The following DPY19L4 variants were observed in gnomAD, a reference collection of about 807,000 sequenced individuals.
DPY19L4 encodes dpy-19 like 4.
Under a neutral mutation model 102.8 loss-of-function variants are expected in DPY19L4, and 97 were observed. The ratio of observed to expected loss-of-function variants is 0.94; its 90% CI spans 0.80 to 1.12. The LOEUF is 1.12. Among genes scored for constraint, DPY19L4 ranks in the 50% most tolerant of loss-of-function variants. The probability of loss-of-function intolerance (pLI) is 0.00; values close to 1 mark genes in which losing one functional copy is unlikely to be tolerated. For synonymous variants in DPY19L4, 252 were observed against 283.1 expected, an observed-to-expected ratio of 0.89 and a Z score of 1.10; for missense variants, 815 against 850.4, an observed-to-expected ratio of 0.96 and a Z score of 0.52.
intron 18 of DPY19L4, among the ~76,000 whole-genome samples, 192 bp downstream of exon 18, chr8:94,788,244 G>C (rs1249738602): frequency 6.6e-6 from 1 of 151,426 alleles, no homozygotes; most frequent in Non-Finnish European, 1.5e-5. Flanking sequence ...AGAAAATCTG[G>C]GCATTTTTGC....
rs1812764546 is a variant in DPY19L4 at position 94,768,276 on chromosome 8, T to C, written c.1176-119T>C. 4.1e-6 allele frequency: 3 copies of C among 732,624 alleles called. 1 individual carries two copies. In the Admixed American group the frequency reaches 9.6e-5, roughly 23 times the overall value. The allele number at this position is 732,624 out of a possible 1,614,324, so 45.4% of individuals were successfully genotyped here. A position where few individuals can be genotyped will look rare whatever the true frequency, so the allele number is the denominator to read the frequency against. On this transcript the variant is annotated intron_variant, in intron 11 of 18. Transcript: ENST00000414645. ...TATAAAGGATAGTACCTTGCTAATA[T>C]AAGTAAACGGGTTTAGGAAATGTGT...
intron 3 of DPY19L4, among the ~76,000 whole-genome samples, chr8:94,735,505 G>A (rs1404252405): frequency 6.6e-6 from 1 of 152,178 alleles, no homozygotes; most frequent in Non-Finnish European, 1.5e-5. Context: ...ATTAACTGCA[G>A]TTCTCAACAA....
At chr8:94,744,685 A>G (rs1221831279) in intron 6 of DPY19L4, 3 of 407,778 alleles carry the variant, frequency 7.4e-6, no homozygotes, top group Non-Finnish European at 1.5e-5. Context: ...TTTAAAGAAT[A>G]AGACTCTCTT....
At chr8:94,753,021 A>AC (rs1418664117) in intron 6 of DPY19L4, among the ~76,000 whole-genome samples, 1 of 151,942 alleles carries the variant, frequency 6.6e-6, no homozygotes, top group African/African-American at 2.4e-5. Context: ...AAAAAAAAAA[A>AC]AACCTGACAG....
At chr8:94,734,502 C>T in intron 2 of DPY19L4, 128 bp from the exon 3 acceptor site, 3 of 922,202 alleles carry the variant, frequency 3.3e-6, no homozygotes, top group Non-Finnish European at 4.8e-6. Flanking sequence ...TTATCTGATG[C>T]TTTTCTCACA....
chr8:94,760,604 A>G (rs1812356650), intron 7 of DPY19L4, among the ~76,000 whole-genome samples: 1 of 152,234 alleles, frequency 6.6e-6, no homozygotes, highest in Non-Finnish European at 1.5e-5. Flanking sequence ...GAGTATAGTC[A>G]GCTGAGTATG....
Position 94,719,974 on chromosome 8 carries a change from G to A in DPY19L4, c.-25G>A. The A allele has an allele frequency of 6.6e-7, 1 of 1,512,854 alleles. No individual in the cohort carries two copies. The highest frequency in any genetic ancestry group is 1.2e-5 in the South Asian group (1 of 80,288). 93.7% of individuals were successfully genotyped at this position (1,512,854 alleles called of 1,614,324 possible). On this transcript the variant is annotated 5_prime_UTR_variant, in exon 1 of 19. Coordinates refer to ENST00000414645, the MANE Select transcript of DPY19L4 (RefSeq NM_181787.3). The stretch of plus-strand genomic sequence containing the variant: ...GAGTCTGGGCCGCGCGGGAGCCGCA[G>A]GGCGCCCTAGCCTTCGCAGAAACGA...
intron 7 of DPY19L4, among the ~76,000 whole-genome samples, chr8:94,756,592 C>T (rs1682739493): frequency 6.6e-6 from 1 of 152,198 alleles, no homozygotes; most frequent in South Asian, 2.1e-4. Flanking sequence ...CTCATGTTTT[C>T]TGTGACTGAG....
Position 94,752,745 on chromosome 8 carries a change from A to T in DPY19L4, c.612-3291A>T, listed in dbSNP as rs538470905. Among the ~76,000 whole-genome samples the T allele has an allele frequency of 2.7e-5, 4 of 150,288 alleles. No homozygotes were observed. In the East Asian group the frequency reaches 7.9e-4, roughly 30 times the overall value. On this transcript the variant is annotated intron_variant, in intron 6 of 18. Coordinates refer to ENST00000414645, the MANE Select transcript of DPY19L4 (RefSeq NM_181787.3). The stretch of plus-strand genomic sequence containing the variant: ...AGCGACGTGATCTTGGCTCACTGCA[A>T]GCTCCGCCACCCCGGTTCACGCCAT...
intron 13 of DPY19L4, among the ~76,000 whole-genome samples, chr8:94,775,197 G>C (rs1352564668): frequency 8.4e-6 from 1 of 118,754 alleles, no homozygotes; most frequent in Non-Finnish European, 1.9e-5. Flanking sequence ...TTTTTTTTTT[G>C]AGACAGGGTC....
In DPY19L4 at chr8:94,756,085, G is replaced by T; in HGVS notation, c.661G>T (p.Ala221Ser). The change falls in exon 7 of 19, where the codon GCA becomes TCA. Residue 221 changes from alanine to serine, a missense_variant. Transcript: ENST00000414645. ...CTCCATTCCTTTAAGAGAAAACTGG[G>T]CACTACCATATTTTGCATGCCAAAT... is the stretch of plus-strand genomic sequence containing the variant. ...EYSIPLRENW[A>S]LPYFACQIAA... The T allele has an allele frequency of 1.2e-6, 2 of 1,613,494 alleles. No homozygotes were observed. Among genetic ancestry groups the T allele is most frequent in the Non-Finnish European group, 1.7e-6 (2 of 1,179,912 alleles).
chr8:94,758,122 A>G (rs1286655674), intron 7 of DPY19L4, among the ~76,000 whole-genome samples: 4 of 152,020 alleles, frequency 2.6e-5, no homozygotes, highest in East Asian at 1.9e-4. Flanking sequence ...AAAAAAAAAT[A>G]GAGTTTGGTA....
intron 1 of DPY19L4, 137 bp downstream of exon 1, chr8:94,720,151 C>T: frequency 2.9e-6 from 4 of 1,376,850 alleles, no homozygotes; most frequent in Non-Finnish European, 3.8e-6. Flanking sequence ...CGGGAAGGAG[C>T]GCGGCGCCCA....
At chr8:94,747,046 G>T (rs967740993) in intron 6 of DPY19L4, among the ~76,000 whole-genome samples, 5 of 150,936 alleles carry the variant, frequency 3.3e-5, no homozygotes, top group South Asian at 2.1e-4. Flanking sequence ...CAGAACATTG[G>T]TTTTTTTTTG....
At chr8:94,727,947 T>G (rs1373385610) in intron 2 of DPY19L4, among the ~76,000 whole-genome samples, 4 of 152,098 alleles carry the variant, frequency 2.6e-5, no homozygotes, top group Non-Finnish European at 5.9e-5. Flanking sequence ...CAGGGCTTTC[T>G]TTTTTTCCTT....
At chr8:94,764,063 ATACTT>A (rs1462243338) in intron 8 of DPY19L4, among the ~76,000 whole-genome samples, 1 of 152,210 alleles carries the variant, frequency 6.6e-6, no homozygotes, top group Non-Finnish European at 1.5e-5. Context: ...ACCAAAAACA[ATACTT>A]TACTCTGATG....
At chr8:94,757,167 AT>A (rs1586368742) in intron 7 of DPY19L4, among the ~76,000 whole-genome samples, 1 of 152,198 alleles carries the variant, frequency 6.6e-6, no homozygotes, top group East Asian at 1.9e-4. Context: ...GAGAGCAGAG[AT>A]TATTAAACCT....
intron 7 of DPY19L4, 35 bp from the exon 8 acceptor site, chr8:94,761,665 A>G (rs774477610): frequency 2.6e-6 from 4 of 1,545,112 alleles, no homozygotes; most frequent in South Asian, 2.6e-5. Flanking sequence ...TAATAAAGTT[A>G]TTGATATTTA....
At chr8:94,771,301 C>T (rs1486561477) in intron 13 of DPY19L4, among the ~76,000 whole-genome samples, 2 of 152,192 alleles carry the variant, frequency 1.3e-5, no homozygotes, top group Non-Finnish European at 2.9e-5. Context: ...TATAAACTTT[C>T]TTAATTTATC....
Sources: allele counts gnomAD v4.1 joint callset (sites outside exome capture counted in the v4.1 genomes callset), GRCh38; gene constraint gnomAD v4.1.1; transcripts MANE v1.5; gene names NCBI Gene and HGNC (gene_info 2026-07-23, HGNC 2026-07-21).